The following TTC7B variants were observed in gnomAD, a reference collection of about 807,000 sequenced individuals.
TTC7B encodes the protein tetratricopeptide repeat domain 7B.
Under a neutral mutation model 106.8 loss-of-function variants are expected in TTC7B, and 28 were observed. The ratio of observed to expected loss-of-function variants is 0.26; its 90% confidence interval spans 0.19 to 0.36. The LOEUF is 0.36. Among genes scored for constraint, TTC7B ranks in the 10% least tolerant of loss-of-function variants. The pLI is 1.00. For synonymous variants in TTC7B, 405 were observed against 430.6 expected (o/e 0.94, Z 0.74); for missense variants, 862 against 1,076.4 (o/e 0.80, Z 2.79).
Position 90,538,130 on chromosome 14 carries a change from C to T in TTC7B, c.*3238G>A, listed in dbSNP as rs942537689. 2.0e-5 allele frequency: 3 copies of T among 152,160 alleles called. No homozygotes were observed. The highest frequency in any genetic ancestry group is 2.9e-5 in the Non-Finnish European group (2 of 68,050). 9.4% of individuals were successfully genotyped at this position (152,160 alleles called of 1,614,324 possible). ...CCTGGGCACTTTTGAAATGTTTATC[C>T]CTCAGGCCTGTCTCAATCTTAGTTC... On this transcript the variant is annotated 3_prime_UTR_variant, in exon 20 of 20. Coordinates refer to ENST00000328459, the MANE Select transcript of TTC7B (RefSeq NM_001010854.2).
chr14:90,744,325 T>C (rs772571161), intron 4 of TTC7B, among the ~76,000 whole-genome samples: 14 of 152,056 alleles, frequency 9.2e-5, no homozygotes, highest in South Asian at 2.1e-4. Flanking sequence ...TTCTTTCTTT[T>C]TTTTATGAGA....
intron 3 of TTC7B, among the ~76,000 whole-genome samples, chr14:90,751,461 C>T (rs888746531): frequency 3.3e-5 from 5 of 152,344 alleles, no homozygotes; most frequent in African/African-American, 9.6e-5. Flanking sequence ...GTGGCATAAT[C>T]ACAGCTCACT....
In TTC7B at chr14:90,577,761, C is replaced by T. The variant is rs1381957148; in HGVS notation, c.2310+345G>A. On this transcript the variant is annotated intron_variant, in intron 19 of 19. Transcript: ENST00000328459. The surrounding 1 kb of genome is among the most constrained non-coding windows in gnomAD (Gnocchi z 5.0). ...AACCCCCGAAGGTGGCTACTGCAAGCAGCACAGAGGCTGAGATGACAGTGA... is the reference window on the plus strand; with the variant it reads ...AACCCCCGAAGGTGGCTACTGCAAGTAGCACAGAGGCTGAGATGACAGTGA... Among the ~76,000 whole-genome samples, 6 of 152,244 alleles carry T rather than the reference C, an allele frequency of 3.9e-5. No individual in the cohort carries two copies. Among genetic ancestry groups the T allele is most frequent in the Non-Finnish European group, 5.9e-5 (4 of 68,042 alleles).
intron 5 of TTC7B, among the ~76,000 whole-genome samples, chr14:90,726,602 G>A (rs772144054): frequency 7.9e-5 from 12 of 152,158 alleles, no homozygotes; most frequent in Non-Finnish European, 1.5e-4. Flanking sequence ...ATTTTTATTT[G>A]CTCCTCACTA....
At position 90,530,431 on chromosome 14, in the gene TTC7B, G is replaced by T. The variant is rs2139749018; in HGVS notation, c.*10937C>A. On this transcript the variant is annotated 3_prime_UTR_variant, in exon 20 of 20. Transcript: ENST00000328459. The stretch of plus-strand genomic sequence containing the variant: ...AAGTGAAATGATGGTCCCAAAAGAT[G>T]CCTGCATCCTACTTTCTGGAACCTG... 1 of 152,328 alleles carries T rather than the reference G, an allele frequency of 6.6e-6. No individual in the cohort carries two copies. The allele number at this position is 152,328 out of a possible 1,614,324, so 9.4% of individuals were successfully genotyped here.
intron 3 of TTC7B, 43 bp from the exon 4 acceptor site, chr14:90,744,965 CAT>C: frequency 6.2e-7 from 1 of 1,602,018 alleles, no homozygotes; most frequent in East Asian, 2.2e-5. Context: ...AATTTTTTTT[CAT>C]AAGGCTTCAT....
rs780789722 is a variant in TTC7B, at chr14:90,689,703, T to C, written c.787A>G (p.Arg263Gly). The change falls in exon 7 of 20, where the codon AGG becomes GGG. Residue 263 changes from arginine (R) to glycine (G), a missense_variant. Coordinates refer to ENST00000328459, the MANE Select transcript of TTC7B (RefSeq NM_001010854.2). Reference protein sequence around the residue: ...TTQNLRMTIARQLAEILLRGM... With the variant: ...TTQNLRMTIAGQLAEILLRGM... ...CGCAACAAGATCTCTGCCAGCTGCC[T>C]GGCTATTGTCTGGGAACATAAACGA... is the stretch of plus-strand genomic sequence containing the variant. The C allele has an allele frequency of 6.2e-7, 1 of 1,614,018 alleles. No individual in the cohort carries two copies. Among genetic ancestry groups the C allele is most frequent in the African/African-American group, 1.3e-5 (1 of 75,062 alleles).
rs1189054804 is a variant in TTC7B, at chr14:90,759,027, CTCTG to C, written c.446-14109_446-14106del. On this transcript the variant is annotated intron_variant, in intron 3 of 19. Coordinates refer to ENST00000328459, the MANE Select transcript of TTC7B (RefSeq NM_001010854.2). This position sits in a 1 kb window ranked among gnomAD's most constrained non-coding sequence, Gnocchi z 4.1. ...ACAGTAGGCACTCAACAAACCGTTC[CTCTG>C]TCTGTCTTGAGAGACTGCGGTGGGC... Among the ~76,000 whole-genome samples the C allele has an allele frequency of 1.3e-5, 2 of 152,144 alleles. No individual in the cohort carries two copies. Among genetic ancestry groups the C allele is most frequent in the Admixed American group, 6.5e-5 (1 of 15,280 alleles).
chr14:90,566,850 A>G (rs1277270490), intron 19 of TTC7B, among the ~76,000 whole-genome samples: 1 of 152,160 alleles, frequency 6.6e-6, no homozygotes, highest in Non-Finnish European at 1.5e-5. Context: ...TGAGGCCCTC[A>G]GACCTTGGTT....
chr14:90,748,136 A>T (rs1890027090), intron 3 of TTC7B, among the ~76,000 whole-genome samples: 1 of 152,106 alleles, frequency 6.6e-6, no homozygotes, highest in African/African-American at 2.4e-5. Flanking sequence ...GTAATTTTTT[A>T]AACAGATAGG....
intron 17 of TTC7B, chr14:90,603,202 G>A (rs191395960): frequency 8.6e-7 from 1 of 1,157,280 alleles, no homozygotes. Context: ...GGTGGGGGGA[G>A]TGTGATTCTG....
At chr14:90,695,021 ATATG>A (rs1459230552) in intron 6 of TTC7B, among the ~76,000 whole-genome samples, 19 of 124,836 alleles carry the variant, frequency 1.5e-4, no homozygotes, top group Admixed American at 1.1e-3. Context: ...TATTATAAAT[ATATG>A]TATATTTTTT....
intron 18 of TTC7B, among the ~76,000 whole-genome samples, chr14:90,588,541 G>T (rs938739448): frequency 3.3e-5 from 5 of 152,146 alleles, no homozygotes; most frequent in Non-Finnish European, 7.3e-5. Flanking sequence ...CAGCAGTAAG[G>T]TGTGCACTCA....
chr14:90,737,259 C>T (rs1889571068), intron 4 of TTC7B, among the ~76,000 whole-genome samples: 1 of 151,810 alleles, frequency 6.6e-6, no homozygotes, highest in African/African-American at 2.4e-5. Context: ...CCAGAAATTC[C>T]ACTGGTAAAT....
intron 5 of TTC7B, among the ~76,000 whole-genome samples, chr14:90,716,933 A>T (rs758157761): frequency 2.0e-5 from 3 of 152,212 alleles, no homozygotes; most frequent in Non-Finnish European, 4.4e-5. Context: ...AGAAAAAAAG[A>T]TACAGCGTGT....
chr14:90,768,258 G>A (rs992933754), intron 3 of TTC7B, among the ~76,000 whole-genome samples: 1 of 152,144 alleles, frequency 6.6e-6, no homozygotes, highest in Non-Finnish European at 1.5e-5. Flanking sequence ...AAAGGAAAGA[G>A]GATTAATTGA....
chr14:90,621,972 C>T (rs1187262069), intron 15 of TTC7B, among the ~76,000 whole-genome samples: 1 of 151,926 alleles, frequency 6.6e-6, no homozygotes, highest in Non-Finnish European at 1.5e-5. Context: ...CTGAGGAAAC[C>T]CTGAGGCAAA....
chr14:90,780,618 G>A, intron 3 of TTC7B, 120 bp downstream of exon 3: 1 of 1,216,494 alleles, frequency 8.2e-7, no homozygotes, highest in Non-Finnish European at 1.1e-6. Context: ...GGCCCCAGCA[G>A]CCTTGCTGGG....
intron 5 of TTC7B, among the ~76,000 whole-genome samples, chr14:90,724,958 G>A (rs1459395862): frequency 6.6e-6 from 1 of 152,104 alleles, no homozygotes; most frequent in Admixed American, 6.6e-5. Context: ...ACCTTTAAAG[G>A]TACTAATGTT....
Sources: allele counts gnomAD v4.1 joint callset (sites outside exome capture counted in the v4.1 genomes callset), GRCh38; gene constraint gnomAD v4.1.1; non-coding constraint Gnocchi (gnomAD v3.1); transcripts MANE v1.5; gene names NCBI Gene and HGNC (gene_info 2026-07-23, HGNC 2026-07-21).